Variants in ATP13A5 observed in about 807,000 individuals in gnomAD.
ATP13A5 encodes the protein ATPase 13A5, also known as probable cation-transporting ATPase 13A5.
Under a neutral mutation model 150.2 loss-of-function variants are expected in ATP13A5, and 149 were observed. The observed-to-expected ratio is 0.99, with a 90% confidence interval of 0.87 to 1.14. The LOEUF (loss-of-function observed/expected upper bound fraction) is 1.14. Among genes scored for constraint, ATP13A5 ranks in the 50% most tolerant of loss-of-function variants. The probability of loss-of-function intolerance (pLI) is 0.00; values close to 1 mark genes in which losing one functional copy is unlikely to be tolerated. For synonymous variants in ATP13A5, 497 were observed against 522.2 expected (o/e 0.95, Z 0.66); for missense variants, 1,383 against 1,449.3 (o/e 0.95, Z 0.74).
intron 17 of ATP13A5, among the ~76,000 whole-genome samples, chr3:193,315,564 C>A (rs896418013): frequency 1.3e-5 from 2 of 152,124 alleles, no homozygotes; most frequent in Non-Finnish European, 2.9e-5. Flanking sequence ...ATAATATTTA[C>A]TGGCATCAGA....
At chr3:193,362,049 C>T (rs902334388) in intron 5 of ATP13A5, among the ~76,000 whole-genome samples, 4 of 152,152 alleles carry the variant, frequency 2.6e-5, no homozygotes, top group African/African-American at 9.7e-5. Context: ...CATTCTGTCT[C>T]TCCCAGGATT....
intron 21 of ATP13A5, 84 bp from the exon 22 acceptor site, chr3:193,307,453 T>C: frequency 3.3e-6 from 5 of 1,511,262 alleles, no homozygotes; most frequent in Non-Finnish European, 4.6e-6. Context: ...CTAAGTCACA[T>C]GTGATTTGTG....
At chr3:193,307,304 G>A in intron 22 of ATP13A5, 23 bp downstream of exon 22, 1 of 1,613,504 alleles carries the variant, frequency 6.2e-7, no homozygotes, top group African/African-American at 1.3e-5. Flanking sequence ...TGGCTTGTCT[G>A]AGCAAAAGCC....
intron 16 of ATP13A5, among the ~76,000 whole-genome samples, chr3:193,319,473 A>C (rs1213077417): frequency 6.6e-6 from 1 of 152,184 alleles, no homozygotes; most frequent in Non-Finnish European, 1.5e-5. Context: ...AAGAAAACAC[A>C]TCTCTCTCCA....
intron 26 of ATP13A5, 74 bp from the exon 27 acceptor site, chr3:193,285,190 T>C: frequency 8.1e-7 from 1 of 1,234,832 alleles, no homozygotes; most frequent in Non-Finnish European, 1.1e-6. Context: ...AAAAATAATT[T>C]AATCACTACC....
chr3:193,339,328 G>A (rs1159211078), intron 9 of ATP13A5, among the ~76,000 whole-genome samples: 1 of 152,056 alleles, frequency 6.6e-6, no homozygotes, highest in Non-Finnish European at 1.5e-5. Context: ...TGTGATGTTA[G>A]GGTGTCAACT....
intron 12 of ATP13A5, 62 bp downstream of exon 12, chr3:193,331,061 T>C: frequency 6.6e-7 from 1 of 1,522,758 alleles, no homozygotes; most frequent in Non-Finnish European, 9.0e-7. Flanking sequence ...TTTCTGAGGT[T>C]CTTCCCAGCT....
intron 13 of ATP13A5, among the ~76,000 whole-genome samples, chr3:193,325,217 G>A (rs192011129): frequency 1.3e-5 from 2 of 152,232 alleles, no homozygotes; most frequent in African/African-American, 2.4e-5. Flanking sequence ...TTACCTTACA[G>A]TGTCCACTCC....
At chr3:193,357,461 G>A (rs1175234338) in intron 5 of ATP13A5, among the ~76,000 whole-genome samples, 1 of 152,078 alleles carries the variant, frequency 6.6e-6, no homozygotes, top group African/African-American at 2.4e-5. Context: ...AAAAAATATT[G>A]TGTGTTTAGA....
chr3:193,339,456 C>A (rs961205399), intron 9 of ATP13A5, among the ~76,000 whole-genome samples: 2 of 152,028 alleles, frequency 1.3e-5, no homozygotes, highest in African/African-American at 4.8e-5. Flanking sequence ...TTTTCAAATG[C>A]GCAGATGAAT....
chr3:193,362,706 T>C, intron 3 of ATP13A5, 69 bp from the exon 4 acceptor site: 1 of 1,401,448 alleles, frequency 7.1e-7, no homozygotes, highest in South Asian at 1.2e-5. Context: ...GGGAGTGGTG[T>C]CCAATGCAGG....
chr3:193,276,976 G>C (rs946958433), intron 28 of ATP13A5, 146 bp from the exon 29 acceptor site: 1 of 619,862 alleles, frequency 1.6e-6, no homozygotes, highest in Admixed American at 3.2e-5. Flanking sequence ...TAATACAACT[G>C]AAGGACTCAA....
chr3:193,283,620 C>T (rs1717596324), intron 27 of ATP13A5, among the ~76,000 whole-genome samples: 1 of 152,036 alleles, frequency 6.6e-6, no homozygotes, highest in Non-Finnish European at 1.5e-5. Context: ...TATTAAGAAG[C>T]ACACCCTCTC....
intron 26 of ATP13A5, among the ~76,000 whole-genome samples, chr3:193,286,023 A>G (rs943467384): frequency 3.9e-5 from 6 of 152,192 alleles, no homozygotes; most frequent in South Asian, 2.1e-4. Flanking sequence ...TAGATTTACA[A>G]TAAATTTTTG....
intron 23 of ATP13A5, among the ~76,000 whole-genome samples, chr3:193,302,456 T>C (rs1413219262): frequency 1.3e-5 from 2 of 152,154 alleles, no homozygotes; most frequent in Non-Finnish European, 2.9e-5. Context: ...TCTGCAATCG[T>C]GCATAGTTCC....
chr3:193,306,054 C>A (rs146685184), intron 22 of ATP13A5, among the ~76,000 whole-genome samples: 40 of 151,896 alleles, frequency 2.6e-4, no homozygotes, highest in Non-Finnish European at 5.0e-4. Flanking sequence ...GTTCTTGTAC[C>A]TGGTGGGAAT....
chr3:193,310,456 A>G (rs1718797685), intron 21 of ATP13A5, among the ~76,000 whole-genome samples, 182 bp downstream of exon 21: 1 of 152,208 alleles, frequency 6.6e-6, no homozygotes, highest in Admixed American at 6.5e-5. Flanking sequence ...TGCTTTCTAC[A>G]ATGGCTGAAC....
chr3:193,367,337 T>C (rs1428495592), intron 1 of ATP13A5, among the ~76,000 whole-genome samples: 1 of 152,076 alleles, frequency 6.6e-6, no homozygotes, highest in African/African-American at 2.4e-5. Context: ...AGAAAATTAA[T>C]ATGCAATTTA....
At chr3:193,299,753 G>A (rs376108000) in intron 24 of ATP13A5, among the ~76,000 whole-genome samples, 23 of 152,186 alleles carry the variant, frequency 1.5e-4, no homozygotes, top group African/African-American at 5.5e-4. Flanking sequence ...CTTCTTTCAA[G>A]TTCACATTAT....
Sources: allele counts gnomAD v4.1 joint callset (sites outside exome capture counted in the v4.1 genomes callset), GRCh38; gene constraint gnomAD v4.1.1; transcripts MANE v1.5; gene names NCBI Gene and HGNC (gene_info 2026-07-23, HGNC 2026-07-21).